The following ARID2 variants were observed in gnomAD, a reference collection of about 807,000 sequenced individuals.
ARID2 encodes AT-rich interaction domain 2.
Under a neutral mutation model 184.6 loss-of-function variants are expected in ARID2, and 32 were observed. The ratio of observed to expected loss-of-function variants is 0.17; its 90% CI spans 0.13 to 0.23. The LOEUF (loss-of-function observed/expected upper bound fraction) is 0.23. ARID2 is among the 10% of genes least tolerant of loss of function. ARID2 has a pLI of 1.00. For missense variants in ARID2, 1,696 were observed against 2,197.6 expected, an observed-to-expected ratio of 0.77 and a Z score of 4.56; for synonymous variants, 836 against 772.6, an observed-to-expected ratio of 1.08 and a Z score of -1.36.
intron 3 of ARID2, among the ~76,000 whole-genome samples, chr12:45,768,416 C>T (rs1415492441): frequency 6.6e-6 from 1 of 152,134 alleles, no homozygotes; most frequent in African/African-American, 2.4e-5. Flanking sequence ...GCTGTTGCCC[C>T]AACTCCACAA....
chr12:45,746,918 C>T (rs1305747008), intron 3 of ARID2, among the ~76,000 whole-genome samples: 1 of 152,164 alleles, frequency 6.6e-6, no homozygotes, highest in Non-Finnish European at 1.5e-5. Flanking sequence ...AGGCGCTCGC[C>T]ACCATGCCCA....
At chr12:45,792,106 A>G (rs1942303379) in intron 3 of ARID2, among the ~76,000 whole-genome samples, 1 of 152,056 alleles carries the variant, frequency 6.6e-6, no homozygotes, top group Admixed American at 6.6e-5. Context: ...ATTCCCTTCT[A>G]TTTTAAAACC....
chr12:45,829,250 G>A lies in ARID2; in HGVS notation c.706-7339G>A, dbSNP rs189885082. ...TCTTTTTCATTGGTTTATTTGCCCCGTTAGGGCTTGAAAGTACCAGATTTT... is the reference window on the plus strand; with the variant it reads ...TCTTTTTCATTGGTTTATTTGCCCCATTAGGGCTTGAAAGTACCAGATTTT... On this transcript the variant is annotated intron_variant, in intron 6 of 20. Transcript: ENST00000334344. Among the ~76,000 whole-genome samples the A allele has an allele frequency of 5.3e-5, 8 of 152,044 alleles. No individual in the cohort carries two copies. In the East Asian group the frequency reaches 1.5e-3, roughly 29 times the overall value.
At chr12:45,786,814 A>C (rs1177242481) in intron 3 of ARID2, among the ~76,000 whole-genome samples, 1 of 152,232 alleles carries the variant, frequency 6.6e-6, no homozygotes, top group African/African-American at 2.4e-5. Flanking sequence ...TCAGCCGTAA[A>C]AAAGAACAAA....
At chr12:45,868,845 T>C (rs1446220713) in intron 16 of ARID2, among the ~76,000 whole-genome samples, 4 of 152,228 alleles carry the variant, frequency 2.6e-5, no homozygotes, top group Admixed American at 2.6e-4. Flanking sequence ...TAAATGTATT[T>C]TAACTTTGGA....
chr12:45,834,778 A>G (rs1401462558), intron 6 of ARID2, among the ~76,000 whole-genome samples: 1 of 152,188 alleles, frequency 6.6e-6, no homozygotes, highest in Non-Finnish European at 1.5e-5. Context: ...TTCTTCCATC[A>G]TTTTGAAAAT....
At chr12:45,794,690 A>G (rs1942356369) in intron 3 of ARID2, among the ~76,000 whole-genome samples, 1 of 152,184 alleles carries the variant, frequency 6.6e-6, no homozygotes, top group South Asian at 2.1e-4. Flanking sequence ...CGTCTTGCGT[A>G]CTTTAATTGG....
At chr12:45,883,618 C>T (rs1174661382) in intron 16 of ARID2, among the ~76,000 whole-genome samples, 11 of 149,918 alleles carry the variant, frequency 7.3e-5, no homozygotes. Flanking sequence ...CCATTTTTAC[C>T]TAGTAATACA....
chr12:45,783,933 A>C (rs1016012245), intron 3 of ARID2, among the ~76,000 whole-genome samples: 7 of 152,246 alleles, frequency 4.6e-5, no homozygotes, highest in African/African-American at 1.7e-4. Flanking sequence ...TATTGGACCT[A>C]ATGAGAGACT....
Position 45,893,897 on chromosome 12 carries a change from A to G in ARID2, c.5363+176A>G, listed in dbSNP as rs1944335958. The G allele has an allele frequency of 2.3e-5, 11 of 477,496 alleles. No individual in the cohort carries two copies. In the South Asian group the frequency reaches 5.2e-4, roughly 23 times the overall value. The allele number at this position is 477,496 out of a possible 1,614,324, so 29.6% of individuals were successfully genotyped here. On this transcript the variant is annotated intron_variant, in intron 20 of 20. Transcript: ENST00000334344. ...ATGAGCTCTTAAAAGTCAAAAATAA[A>G]TAGAAGTTAAAACAACCAAAAGGTG...
chr12:45,820,996 G>C (rs1942884827), intron 5 of ARID2, among the ~76,000 whole-genome samples: 1 of 152,126 alleles, frequency 6.6e-6, no homozygotes, highest in Non-Finnish European at 1.5e-5. Context: ...GGAGTGCCTT[G>C]CTCTCTATGT....
intron 16 of ARID2, among the ~76,000 whole-genome samples, chr12:45,879,204 T>C (rs562979449): frequency 6.2e-4 from 94 of 152,348 alleles, no homozygotes; most frequent in African/African-American, 2.1e-3. Flanking sequence ...CTTTATTTTT[T>C]TTCTCCTGTG....
At chr12:45,748,077 T>C (rs1336445567) in intron 3 of ARID2, among the ~76,000 whole-genome samples, 3 of 152,188 alleles carry the variant, frequency 2.0e-5, no homozygotes, top group African/African-American at 7.2e-5. Flanking sequence ...AATAACAATG[T>C]ACGGCCAGGT....
chr12:45,851,942 A>T lies in ARID2; in HGVS notation c.3819A>T (p.Arg1273=). 6.2e-7 allele frequency: 1 copy of T among 1,614,120 alleles called. No individual in the cohort carries two copies. Among genetic ancestry groups the T allele is most frequent in the Non-Finnish European group, 8.5e-7 (1 of 1,179,966 alleles). The change falls in exon 15 of 21, where the codon CGA becomes CGT. Residue 1273 remains arginine (R), a synonymous_variant. Transcript: ENST00000334344. ...TCATGGAGAACCCGTCCTGCCGACG[A>T]GGAGCCACAAACACCAGCAATGGGG... ...IEVMENPSCR[R]GATNTSNGDT...
At chr12:45,729,961 C>T in intron 1 of ARID2, 33 bp downstream of exon 1, 2 of 1,602,664 alleles carry the variant, frequency 1.2e-6, no homozygotes, top group South Asian at 2.2e-5. Flanking sequence ...AGCGCCGGGG[C>T]GAGCCGGGGC....
At chr12:45,805,936 A>G (rs569027009) in intron 3 of ARID2, among the ~76,000 whole-genome samples, 72 of 152,216 alleles carry the variant, frequency 4.7e-4, no homozygotes, top group African/African-American at 1.6e-3. Flanking sequence ...CCCCTTGGTA[A>G]TCACCATTCT....
At chr12:45,847,871 A>T (rs1206650207) in intron 12 of ARID2, among the ~76,000 whole-genome samples, 1 of 152,008 alleles carries the variant, frequency 6.6e-6, no homozygotes, top group African/African-American at 2.4e-5. Flanking sequence ...CTTACACTTG[A>T]ATCTTTTCCA....
rs576645681 is a variant in ARID2 at position 45,851,291 on chromosome 12, G to A, written c.3168G>A (p.Glu1056=). 6.2e-7 allele frequency: 1 copy of A among 1,614,184 alleles called. No homozygotes were observed. The highest frequency in any genetic ancestry group is 1.1e-5 in the South Asian group (1 of 91,082). Residue 1056 remains glutamate (E), a synonymous_variant, in exon 15 of 21, where the codon GAG becomes GAA. Transcript: ENST00000334344. ...GAGTTGGTCAGCCTGCCTCTGGTGA[G>A]TCGAGTCTGATTAAACAGCTTCTGC... The part of the protein sequence containing the change: ...NAGVGQPASG[E]SSLIKQLLLP...
chr12:45,873,062 A>G (rs1943950476), intron 16 of ARID2, among the ~76,000 whole-genome samples: 1 of 152,224 alleles, frequency 6.6e-6, no homozygotes, highest in Non-Finnish European at 1.5e-5. Context: ...TGTTCAGTAC[A>G]TATATCTTAA....
Sources: gnomAD v4.1 joint callset for allele counts (sites outside exome capture counted in the v4.1 genomes callset) on GRCh38, gnomAD v4.1.1 for gene constraint, MANE v1.5 for transcripts, NCBI Gene and HGNC (gene_info 2026-07-23, HGNC 2026-07-21) for gene names.